The following CTNNA3 variants were observed in gnomAD, a reference collection of about 807,000 sequenced individuals.
CTNNA3 encodes catenin alpha-3.
CTNNA3 carries 76 observed loss-of-function variants against 95.7 expected under a neutral mutation model. That is an observed-to-expected ratio of 0.79 (90% CI 0.66 to 0.96). CTNNA3 has a LOEUF of 0.96. Among genes scored for constraint, CTNNA3 ranks in the 40% least tolerant of loss-of-function variants. CTNNA3 has a pLI of 0.00. For missense variants in CTNNA3, 1,191 were observed against 1,089.8 expected (o/e 1.09, Z -1.31); for synonymous variants, 431 against 374.4 (o/e 1.15, Z -1.74).
chr10:67,207,355 AG>A (rs1361661764), intron 6 of CTNNA3, among the ~76,000 whole-genome samples: 4 of 152,212 alleles, frequency 2.6e-5, no homozygotes, highest in African/African-American at 9.6e-5. Flanking sequence ...ACAAAGTCTT[AG>A]GTATCTTATG....
At chr10:67,620,919 G>GTATATATATA (rs1488628629) in intron 2 of CTNNA3, among the ~76,000 whole-genome samples, 1 of 100,162 alleles carries the variant, frequency 1.0e-5, no homozygotes, top group African/African-American at 4.5e-5. Flanking sequence ...GTGTGTGTGT[G>GTATATATATA]TGTGTATATA....
chr10:67,560,472 C>G (rs909021463), intron 3 of CTNNA3, among the ~76,000 whole-genome samples: 215 of 151,772 alleles, frequency 1.4e-3, no homozygotes, highest in African/African-American at 5.0e-3. Context: ...TGCCCTAAAA[C>G]AGCTCCTGAA....
rs754525958 is a variant in CTNNA3, at chr10:67,219,809, T to G, written c.641A>C (p.Asn214Thr). The part of the protein sequence containing the change: ...IAGARASLKE[N>T]SPLLHSICSA... ...ACAAATTGAATGCAAGAGGGGAGAG[T>G]TCTCCTTCAGTGAAGCTCGGGCTCC... The change falls in exon 6 of 18, where the codon AAC becomes ACC. Residue 214 changes from asparagine to threonine, a missense_variant. Coordinates refer to ENST00000433211, the MANE Select transcript of CTNNA3 (RefSeq NM_013266.4). The G allele has an allele frequency of 3.1e-6, 5 of 1,613,454 alleles. No individual in the cohort carries two copies. In the East Asian group the frequency reaches 1.1e-4, roughly 36 times the overall value.
chr10:67,333,389 A>T (rs1841872305), intron 5 of CTNNA3, among the ~76,000 whole-genome samples: 1 of 152,156 alleles, frequency 6.6e-6, no homozygotes, highest in Non-Finnish European at 1.5e-5. Context: ...TTACAGTTAC[A>T]TTGGGATGCT....
intron 1 of CTNNA3, among the ~76,000 whole-genome samples, chr10:67,654,634 C>A (rs944360566): frequency 2.0e-5 from 3 of 151,964 alleles, no homozygotes; most frequent in Admixed American, 6.6e-5. Flanking sequence ...ACCACAGGCG[C>A]GCACCACCAC....
At position 67,049,402 on chromosome 10, in the gene CTNNA3, A is replaced by G. The variant is rs116127389; in HGVS notation, c.1047+130915T>C. Among the ~76,000 whole-genome samples the G allele has an allele frequency of 2.6e-3, 394 of 152,292 alleles. 4 individuals are homozygous for G. Among genetic ancestry groups the G allele is most frequent in the African/African-American group, 9.0e-3 (376 of 41,574 alleles). On this transcript the variant is annotated intron_variant, in intron 7 of 17. Transcript: ENST00000433211. ...TTTATGAACTACATACAAAATGTAA[A>G]CTGAATTTCTAAGCCACATACAACT...
chr10:67,485,213 A>T (rs1440252661), intron 5 of CTNNA3, among the ~76,000 whole-genome samples: 1 of 152,216 alleles, frequency 6.6e-6, no homozygotes, highest in African/African-American at 2.4e-5. Context: ...AAGTTAACAC[A>T]GAAACAGAAA....
At chr10:66,833,186 A>G (rs1337909865) in intron 7 of CTNNA3, among the ~76,000 whole-genome samples, 2 of 152,178 alleles carry the variant, frequency 1.3e-5, no homozygotes, top group African/African-American at 4.8e-5. Flanking sequence ...TGAAGAATCT[A>G]AAGAGCATGA....
intron 1 of CTNNA3, among the ~76,000 whole-genome samples, chr10:67,679,812 A>G (rs1396477066): frequency 6.6e-6 from 1 of 152,208 alleles, no homozygotes; most frequent in Non-Finnish European, 1.5e-5. Flanking sequence ...AATCTCTTTG[A>G]AAAGCATTCT....
intron 12 of CTNNA3, among the ~76,000 whole-genome samples, chr10:66,344,021 G>A (rs1298672342): frequency 6.6e-6 from 1 of 151,534 alleles, no homozygotes; most frequent in Non-Finnish European, 1.5e-5. Flanking sequence ...GAGGTCAGGA[G>A]TTCGAGATCA....
At chr10:66,715,198 T>C (rs1011151623) in intron 9 of CTNNA3, among the ~76,000 whole-genome samples, 2 of 152,090 alleles carry the variant, frequency 1.3e-5, no homozygotes, top group Admixed American at 1.3e-4. Context: ...CTACATAATT[T>C]TCCCAAATTA....
intron 5 of CTNNA3, among the ~76,000 whole-genome samples, chr10:67,331,106 A>G (rs1183815605): frequency 6.6e-6 from 1 of 152,184 alleles, no homozygotes; most frequent in Non-Finnish European, 1.5e-5. Flanking sequence ...CAAAAGTGAC[A>G]TTGTTTTTTA....
At chr10:67,465,239 T>C (rs1395402867) in intron 5 of CTNNA3, among the ~76,000 whole-genome samples, 1 of 152,260 alleles carries the variant, frequency 6.6e-6, no homozygotes, top group Admixed American at 6.5e-5. Context: ...TTTATTTTTT[T>C]AAAGTAATTC....
chr10:66,614,452 C>T (rs1194064066), intron 10 of CTNNA3, among the ~76,000 whole-genome samples: 2 of 151,900 alleles, frequency 1.3e-5, no homozygotes, highest in African/African-American at 2.4e-5. Context: ...GCTTTCCATG[C>T]TAAAATATGA....
intron 11 of CTNNA3, among the ~76,000 whole-genome samples, chr10:66,515,518 T>C (rs1254311487): frequency 6.6e-6 from 1 of 152,076 alleles, no homozygotes. Flanking sequence ...AGTCTCTGAA[T>C]ACAAAACAAC....
In CTNNA3 at chr10:66,103,150, G is replaced by A; in HGVS notation, c.1977+7C>T. The A allele has an allele frequency of 6.2e-7, 1 of 1,609,806 alleles. No individual in the cohort carries two copies. The highest frequency in any genetic ancestry group is 1.1e-5 in the South Asian group (1 of 91,010). ...ACATGGTTCTCCCACCAGTTGAAGT[G>A]ACATACCCTATCAGTTTTCCCTTCG... is the stretch of plus-strand genomic sequence containing the variant. On this transcript the variant is annotated splice_region_variant and intron_variant, in intron 14 of 17. Coordinates refer to ENST00000433211, the MANE Select transcript of CTNNA3 (RefSeq NM_013266.4).
intron 7 of CTNNA3, among the ~76,000 whole-genome samples, chr10:66,978,552 A>AAAAATATATATATAT: frequency 0.033 from 1,262 of 37,778 alleles, 84 homozygotes; most frequent in Middle Eastern, 0.06. Context: ...AAAAAAAAAA[A>AAAAATATATATATAT]ATATATATAT....
At chr10:66,289,818 A>C (rs1190578218) in intron 12 of CTNNA3, among the ~76,000 whole-genome samples, 2 of 152,088 alleles carry the variant, frequency 1.3e-5, no homozygotes, top group African/African-American at 2.4e-5. Flanking sequence ...TAGAAATCCA[A>C]AAACTTTCTG....
chr10:67,157,468 A>T (rs1368426989), intron 7 of CTNNA3, among the ~76,000 whole-genome samples: 2 of 152,178 alleles, frequency 1.3e-5, no homozygotes, highest in Non-Finnish European at 2.9e-5. Flanking sequence ...ATTAATAATT[A>T]CAAATCCCTT....
Sources: allele counts gnomAD v4.1 joint callset (sites outside exome capture counted in the v4.1 genomes callset), GRCh38; gene constraint gnomAD v4.1.1; transcripts MANE v1.5; gene names NCBI Gene and HGNC (gene_info 2026-07-23, HGNC 2026-07-21).